The following LRRIQ3 variants were observed in gnomAD, a reference collection of about 807,000 sequenced individuals.
The protein encoded by LRRIQ3 is leucine-rich repeat and IQ domain-containing protein 3.
A neutral mutation model predicts 59.3 loss-of-function variants in LRRIQ3; 75 were observed. The ratio of observed to expected loss-of-function variants is 1.26; its 90% confidence interval spans 1.05 to 1.53. LRRIQ3 has a LOEUF of 1.53. Ranked by LOEUF, LRRIQ3 falls within the 40% of genes most tolerant of loss-of-function variation. The pLI is 0.00. For missense variants in LRRIQ3, 831 were observed against 710.0 expected (o/e 1.17, Z -1.94); for synonymous variants, 250 against 231.3 (o/e 1.08, Z -0.73).
chr1:74,032,980 T>A (rs1428900054), intron 7 of LRRIQ3, among the ~76,000 whole-genome samples: 1 of 152,054 alleles, frequency 6.6e-6, no homozygotes. Context: ...TATAGGAAGT[T>A]GAATGAATTA....
At chr1:74,041,176 G>T in intron 7 of LRRIQ3, 37 bp downstream of exon 7, 1 of 1,436,772 alleles carries the variant, frequency 7.0e-7, no homozygotes, top group South Asian at 1.4e-5. Context: ...ACATGTAATT[G>T]ACTTTAATGC....
chr1:74,130,931 A>G (rs1158315690), intron 4 of LRRIQ3, among the ~76,000 whole-genome samples: 3 of 152,136 alleles, frequency 2.0e-5, no homozygotes, highest in African/African-American at 4.8e-5. Context: ...CAAAGAATCA[A>G]TGAATCCTGG....
chr1:74,183,467 T>C lies in LRRIQ3; in HGVS notation c.218A>G (p.Lys73Arg). 1 of 1,596,038 alleles carries C rather than the reference T, an allele frequency of 6.3e-7. No homozygotes were observed. The change falls in exon 2 of 8, where the codon AAA becomes AGA. Residue 73 changes from lysine to arginine, a missense_variant. Lys to Arg is a conservative substitution (Grantham distance 26). Transcript: ENST00000354431. ...TDIHPLQSCI[K>R]LIKLDLHGNQ... is the part of the protein sequence containing the mutation. ...TCCATGGAGATCAAGTTTGATTAATTTTATACAACTTTGAAGTGGATGAAT... is the reference window on the plus strand; with the variant it reads ...TCCATGGAGATCAAGTTTGATTAATCTTATACAACTTTGAAGTGGATGAAT...
At chr1:74,092,553 G>A (rs1434174924) in intron 5 of LRRIQ3, among the ~76,000 whole-genome samples, 1 of 151,960 alleles carries the variant, frequency 6.6e-6, no homozygotes, top group East Asian at 1.9e-4. Context: ...CATGCTGACT[G>A]AGTGTGTTGT....
chr1:74,028,752 G>A (rs902821290), intron 7 of LRRIQ3, among the ~76,000 whole-genome samples: 3 of 151,692 alleles, frequency 2.0e-5, no homozygotes, highest in African/African-American at 7.3e-5. Context: ...CAACTCACAG[G>A]GTTTAGTAGG....
rs1478660787 is a variant in LRRIQ3 at position 74,144,076 on chromosome 1, T to C, written c.707+11657A>G. Among the ~76,000 whole-genome samples the C allele has an allele frequency of 4.6e-5, 7 of 152,082 alleles. No individual in the cohort carries two copies. The South Asian group carries it at 8.3e-4, about 18-fold the overall frequency. ...AAAGTTTTGACCTCAGAATCAACTA[T>C]GATCCATTTATTCTTTACCTATTTG... On this transcript the variant is annotated intron_variant, in intron 4 of 7. Coordinates refer to ENST00000354431, the MANE Select transcript of LRRIQ3 (RefSeq NM_001105659.2).
intron 3 of LRRIQ3, among the ~76,000 whole-genome samples, chr1:74,166,119 T>C (rs557165846): frequency 6.6e-6 from 1 of 151,792 alleles, no homozygotes; most frequent in East Asian, 1.9e-4. Flanking sequence ...TTTTGGAATA[T>C]ATTGTACAGA....
chr1:74,131,142 CT>C (rs1647011000), intron 4 of LRRIQ3, among the ~76,000 whole-genome samples: 1 of 152,060 alleles, frequency 6.6e-6, no homozygotes, highest in Non-Finnish European at 1.5e-5. Context: ...GGATAAATTC[CT>C]GGACACATAC....
rs796958085 is a variant in LRRIQ3 at position 74,150,390 on chromosome 1, T to A, written c.707+5343A>T. On this transcript the variant is annotated intron_variant, in intron 4 of 7. Transcript: ENST00000354431. ...ATAAGTAAAACATACAAATATATTATTTCTTCTTTTTTTAATTATCAAATT... is the reference window on the plus strand; with the variant it reads ...ATAAGTAAAACATACAAATATATTAATTCTTCTTTTTTTAATTATCAAATT... Among the ~76,000 whole-genome samples the A allele has an allele frequency of 6.6e-5, 10 of 152,258 alleles. 1 individual carries two copies. Among genetic ancestry groups the A allele is most frequent in the African/African-American group, 2.4e-4 (10 of 41,552 alleles).
At chr1:74,162,058 C>T (rs1648692256) in intron 3 of LRRIQ3, among the ~76,000 whole-genome samples, 1 of 151,818 alleles carries the variant, frequency 6.6e-6, no homozygotes, top group Non-Finnish European at 1.5e-5. Flanking sequence ...CTATCTGTAT[C>T]ATGTTTTCAT....
At chr1:74,045,990 C>T (rs986292420) in intron 6 of LRRIQ3, among the ~76,000 whole-genome samples, 1 of 152,118 alleles carries the variant, frequency 6.6e-6, no homozygotes, top group African/African-American at 2.4e-5. Context: ...ATTCCATCCT[C>T]ATGGATAGGA....
At chr1:74,086,102 T>C (rs1268344652) in intron 5 of LRRIQ3, among the ~76,000 whole-genome samples, 2 of 152,058 alleles carry the variant, frequency 1.3e-5, no homozygotes, top group African/African-American at 4.8e-5. Flanking sequence ...AATTTAGAAC[T>C]CTTGATAAAT....
intron 4 of LRRIQ3, chr1:74,138,423 T>A: frequency 1.1e-6 from 1 of 939,488 alleles, no homozygotes; most frequent in Non-Finnish European, 1.3e-6. Context: ...CTTCAATCCA[T>A]TACCAGACTT....
intron 3 of LRRIQ3, among the ~76,000 whole-genome samples, chr1:74,163,963 G>A (rs1310526935): frequency 6.6e-6 from 1 of 150,580 alleles, no homozygotes; most frequent in African/African-American, 2.4e-5. Flanking sequence ...ATCTCATTGT[G>A]GTTTCAATTT....
chr1:74,184,726 T>A (rs1480756700), intron 1 of LRRIQ3, among the ~76,000 whole-genome samples: 1 of 152,168 alleles, frequency 6.6e-6, no homozygotes, highest in Non-Finnish European at 1.5e-5. Flanking sequence ...ATAGGAATAA[T>A]GTTAACAGGT....
At chr1:74,132,621 C>T (rs1275596877) in intron 4 of LRRIQ3, among the ~76,000 whole-genome samples, 1 of 152,038 alleles carries the variant, frequency 6.6e-6, no homozygotes, top group Non-Finnish European at 1.5e-5. Flanking sequence ...GGGAAAGATT[C>T]CCTATTTAAT....
At position 74,182,880 on chromosome 1, in the gene LRRIQ3, T is replaced by A. The variant is rs760548008; in HGVS notation, c.250-19A>T. On this transcript the variant is annotated intron_variant, in intron 2 of 7. Transcript: ENST00000354431. ...TCTTTATCTGAAATATTATTAAAAA[T>A]CTTTTAAATTCCAAAATTACTTTTT... 1.7e-5 allele frequency: 22 copies of A among 1,310,762 alleles called. No homozygotes were observed. In the South Asian group the frequency reaches 4.1e-4, roughly 24 times the overall value. The allele number at this position is 1,310,762 out of a possible 1,614,324, so 81.2% of individuals were successfully genotyped here. A position where few individuals can be genotyped will look rare whatever the true frequency, so the allele number is the denominator to read the frequency against.
At chr1:74,118,020 A>C (rs1019011086) in intron 4 of LRRIQ3, among the ~76,000 whole-genome samples, 3 of 152,136 alleles carry the variant, frequency 2.0e-5, no homozygotes, top group Non-Finnish European at 2.9e-5. Flanking sequence ...ATAACCATTT[A>C]AAAGAATACA....
In LRRIQ3 at chr1:74,041,813, T is replaced by G. The variant is rs544193178; in HGVS notation, c.1118A>C (p.Lys373Thr). 6.2e-7 allele frequency: 1 copy of G among 1,613,592 alleles called. No individual in the cohort carries two copies. Among genetic ancestry groups the G allele is most frequent in the Admixed American group, 1.7e-5 (1 of 59,970 alleles). ...ATATGCAGGAAAAAAATGTTGTTTT[T>G]TCTCTCTCAATACTGCATTATTCTT... ...SLKNNAVLRE[K>T]KQHFFPAYPQ... Residue 373 changes from lysine (K) to threonine (T), a missense_variant, in exon 7 of 8, where the codon AAA becomes ACA. Lys to Thr is a moderately conservative substitution (Grantham distance 78). Coordinates refer to ENST00000354431, the MANE Select transcript of LRRIQ3 (RefSeq NM_001105659.2).
Sources: allele counts gnomAD v4.1 joint callset (sites outside exome capture counted in the v4.1 genomes callset), GRCh38; gene constraint gnomAD v4.1.1; transcripts MANE v1.5; gene names NCBI Gene and HGNC (gene_info 2026-07-23, HGNC 2026-07-21).